PDE3A: variants seen among roughly 807,000 people sequenced by gnomAD.
PDE3A encodes phosphodiesterase 3A.
Under a neutral mutation model 98.3 loss-of-function variants are expected in PDE3A, and 43 were observed. The observed-to-expected ratio is 0.44, with a 90% CI of 0.34 to 0.56. The LOEUF is 0.56. Among genes scored for constraint, PDE3A ranks in the 20% least tolerant of loss-of-function variants. PDE3A has a pLI of 0.01. For synonymous variants in PDE3A, 663 were observed against 567.9 expected, an observed-to-expected ratio of 1.17 and a Z score of -2.38; for missense variants, 1,427 against 1,440.7, an observed-to-expected ratio of 0.99 and a Z score of 0.15.
chr12:20,631,956 G>A (rs912482356), intron 6 of PDE3A, among the ~76,000 whole-genome samples: 10 of 151,942 alleles, frequency 6.6e-5, no homozygotes, highest in African/African-American at 2.2e-4. Context: ...TCCCCCTGCT[G>A]AACTTGAAGA....
chr12:20,403,598 T>G (rs1050158137), intron 1 of PDE3A, among the ~76,000 whole-genome samples: 6 of 152,160 alleles, frequency 3.9e-5, no homozygotes, highest in Admixed American at 1.3e-4. Flanking sequence ...GAAGAGCTTG[T>G]TGGAATTGCT....
At chr12:20,475,169 ATGTGTGTGAGTGTGTGTGTGTG>A (rs1945507505) in intron 1 of PDE3A, among the ~76,000 whole-genome samples, 2 of 96,410 alleles carry the variant, frequency 2.1e-5, no homozygotes, top group African/African-American at 7.6e-5. Context: ...AGAGGAAAAA[ATGTGTGTGAGTGTGTGTGTGTG>A]TGTGTGTGTG....
intron 5 of PDE3A, among the ~76,000 whole-genome samples, chr12:20,624,884 T>A (rs1243128332): frequency 6.6e-6 from 1 of 152,176 alleles, no homozygotes; most frequent in African/African-American, 2.4e-5. Flanking sequence ...ATCCTGGTTT[T>A]CCATAAACTC....
intron 2 of PDE3A, among the ~76,000 whole-genome samples, chr12:20,566,241 T>C (rs886204897): frequency 6.6e-6 from 1 of 151,950 alleles, no homozygotes; most frequent in African/African-American, 2.4e-5. Flanking sequence ...TGATGCATTG[T>C]GTAATAAGCG....
intron 1 of PDE3A, among the ~76,000 whole-genome samples, chr12:20,479,326 CT>C (rs1466194783): frequency 1.3e-5 from 2 of 152,184 alleles, no homozygotes; most frequent in African/African-American, 2.4e-5. Flanking sequence ...GACTGATGGA[CT>C]GCTCTCTTTT....
rs567103242 is a variant in PDE3A at position 20,412,188 on chromosome 12, T to G, written c.960+41944T>G. Among the ~76,000 whole-genome samples the G allele has an allele frequency of 4.6e-5, 7 of 152,316 alleles. No homozygotes were observed. The South Asian group carries it at 1.2e-3, about 27-fold the overall frequency. On this transcript the variant is annotated intron_variant, in intron 1 of 15. Transcript: ENST00000359062. ...AACTAGATTTCAGTTTCTTGAAAAT[T>G]TATACATTAGCAAGCATAGTGTAAA... is the stretch of plus-strand genomic sequence containing the variant.
At chr12:20,514,245 A>C (rs1946276509) in intron 1 of PDE3A, among the ~76,000 whole-genome samples, 1 of 152,204 alleles carries the variant, frequency 6.6e-6, no homozygotes, top group East Asian at 1.9e-4. Context: ...GCTTGTTTTT[A>C]GTTTCAAATC....
intron 1 of PDE3A, among the ~76,000 whole-genome samples, chr12:20,439,014 C>G (rs1191897402): frequency 6.6e-6 from 1 of 152,058 alleles, no homozygotes; most frequent in Non-Finnish European, 1.5e-5. Context: ...AGGGTGGTCT[C>G]AAACTCCTGA....
chr12:20,571,283 A>G (rs1270262449), intron 2 of PDE3A, among the ~76,000 whole-genome samples: 1 of 152,180 alleles, frequency 6.6e-6, no homozygotes, highest in African/African-American at 2.4e-5. Context: ...AAATGTGGGT[A>G]CTGAGTACTG....
intron 1 of PDE3A, among the ~76,000 whole-genome samples, chr12:20,514,403 A>C (rs1181988945): frequency 6.6e-6 from 1 of 152,210 alleles, no homozygotes; most frequent in African/African-American, 2.4e-5. Context: ...CATGCATCAC[A>C]TGTGTAAATT....
chr12:20,414,037 C>T (rs1219682495), intron 1 of PDE3A, among the ~76,000 whole-genome samples: 3 of 152,090 alleles, frequency 2.0e-5, no homozygotes, highest in African/African-American at 4.8e-5. Flanking sequence ...TGATAGATAA[C>T]AGAATGTGAT....
At position 20,685,234 on chromosome 12, in the gene PDE3A, G is replaced by T. The variant is rs1945924000; in HGVS notation, c.*4963G>T. 6.6e-6 allele frequency among the ~76,000 whole-genome samples: 1 copy of T among 151,882 alleles called. No individual in the cohort carries two copies. Among genetic ancestry groups the T allele is most frequent in the Non-Finnish European group, 1.5e-5 (1 of 67,974 alleles). ...TCGACACCAGCCTGACCAACACGGA[G>T]AAACCCCGTCTTTACTAAAAATACA... On this transcript the variant is annotated 3_prime_UTR_variant, in exon 16 of 16. Coordinates refer to ENST00000359062, the MANE Select transcript of PDE3A (RefSeq NM_000921.5).
At chr12:20,378,892 T>G (rs1943617316) in intron 1 of PDE3A, among the ~76,000 whole-genome samples, 1 of 151,904 alleles carries the variant, frequency 6.6e-6, no homozygotes, top group Admixed American at 6.6e-5. Flanking sequence ...CATTTTCTTT[T>G]TACCTAATAG....
chr12:20,405,232 G>T (rs978430575), intron 1 of PDE3A, among the ~76,000 whole-genome samples: 1 of 152,082 alleles, frequency 6.6e-6, no homozygotes, highest in Non-Finnish European at 1.5e-5. Context: ...TATTATGGGT[G>T]TCTACCTCCA....
chr12:20,648,916 C>CTTTTTTT (rs761479212), intron 13 of PDE3A, 25 bp downstream of exon 13: 3 of 773,656 alleles, frequency 3.9e-6, no homozygotes, highest in African/African-American at 2.4e-5. Flanking sequence ...ACCCAGTTTT[C>CTTTTTTT]TTTTCTTTTT....
intron 1 of PDE3A, among the ~76,000 whole-genome samples, chr12:20,406,683 C>T (rs977721778): frequency 6.6e-6 from 1 of 152,036 alleles, no homozygotes; most frequent in South Asian, 2.1e-4. Flanking sequence ...TGATCACTTC[C>T]TTTGTTGTGG....
At chr12:20,540,070 G>C (rs1392162001) in intron 1 of PDE3A, among the ~76,000 whole-genome samples, 1 of 152,110 alleles carries the variant, frequency 6.6e-6, no homozygotes, top group Non-Finnish European at 1.5e-5. Flanking sequence ...AACAGGACTA[G>C]ATTGTTTAAA....
At chr12:20,373,304 A>T (rs1465793367) in intron 1 of PDE3A, among the ~76,000 whole-genome samples, 1 of 152,010 alleles carries the variant, frequency 6.6e-6, no homozygotes, top group Non-Finnish European at 1.5e-5. Context: ...TATCTTTTCT[A>T]AGTGGACTTT....
intron 5 of PDE3A, among the ~76,000 whole-genome samples, chr12:20,623,339 AC>A (rs1318219615): frequency 6.6e-6 from 1 of 152,188 alleles, no homozygotes; most frequent in African/African-American, 2.4e-5. Flanking sequence ...ACACGTAGAT[AC>A]AAAATAGTGA....
Sources: allele counts gnomAD v4.1 joint callset (sites outside exome capture counted in the v4.1 genomes callset), GRCh38; gene constraint gnomAD v4.1.1; transcripts MANE v1.5; gene names NCBI Gene and HGNC (gene_info 2026-07-23, HGNC 2026-07-21).